Variants in METTL15 observed in about 807,000 individuals in gnomAD.
METTL15 encodes methyltransferase 15, mitochondrial 12S rRNA N4-cytidine.
METTL15 carries 34 observed loss-of-function variants against 38.3 expected under a neutral mutation model. That is an observed-to-expected ratio of 0.89 (90% CI 0.68 to 1.18). The LOEUF (loss-of-function observed/expected upper bound fraction) is 1.18, where lower values mean the gene tolerates loss of function less well. METTL15 is among the 50% of genes most tolerant of loss of function. The pLI is 0.00. For missense variants in METTL15, 438 were observed against 498.4 expected (o/e 0.88, Z 1.15); for synonymous variants, 162 against 170.9 (o/e 0.95, Z 0.41).
At chr11:28,267,939 T>G (rs1458634080) in intron 4 of METTL15, among the ~76,000 whole-genome samples, 3 of 152,154 alleles carry the variant, frequency 2.0e-5, no homozygotes, top group African/African-American at 4.8e-5. Flanking sequence ...GGCTCACGCC[T>G]GTAATCCCAG....
At chr11:28,524,867 G>A (rs989654001) in intron 6 of METTL15, among the ~76,000 whole-genome samples, 1 of 152,124 alleles carries the variant, frequency 6.6e-6, no homozygotes, top group Non-Finnish European at 1.5e-5. Flanking sequence ...GCGGACCCTC[G>A]CAGTGAGTGT....
chr11:28,219,305 G>T (rs1462444456), intron 4 of METTL15, among the ~76,000 whole-genome samples: 1 of 152,106 alleles, frequency 6.6e-6, no homozygotes, highest in Admixed American at 6.6e-5. Context: ...TGTGTGATGA[G>T]GAATTTATCC....
chr11:28,302,274 G>T (rs1444277604), intron 6 of METTL15, among the ~76,000 whole-genome samples: 2 of 152,002 alleles, frequency 1.3e-5, no homozygotes, highest in Non-Finnish European at 2.9e-5. Context: ...AATCAGAAAA[G>T]CTCTGCTTTT....
intron 6 of METTL15, among the ~76,000 whole-genome samples, chr11:28,459,213 T>G: frequency 6.6e-6 from 1 of 152,050 alleles, no homozygotes; most frequent in Non-Finnish European, 1.5e-5. Flanking sequence ...TTTTATAAAT[T>G]TCATGTATAT....
intron 6 of METTL15, among the ~76,000 whole-genome samples, chr11:28,502,200 G>A (rs868533928): frequency 5.3e-5 from 8 of 152,010 alleles, no homozygotes; most frequent in African/African-American, 9.7e-5. Flanking sequence ...TAAATGAGGC[G>A]AGAGAAATTT....
At chr11:28,490,227 G>A (rs988237123) in intron 6 of METTL15, among the ~76,000 whole-genome samples, 5 of 152,090 alleles carry the variant, frequency 3.3e-5, no homozygotes, top group Admixed American at 3.3e-4. Context: ...ATTCTCACCT[G>A]GCATTGCCAG....
At chr11:28,123,859 A>C in intron 3 of METTL15, 1 of 1,464,620 alleles carries the variant, frequency 6.8e-7, no homozygotes, top group Non-Finnish European at 9.2e-7. Flanking sequence ...TCTTTCTGGC[A>C]AGCAAAAGAA....
chr11:28,387,186 G>T (rs2133389573), intron 5 of METTL15, among the ~76,000 whole-genome samples: 1 of 151,838 alleles, frequency 6.6e-6, no homozygotes, highest in Middle Eastern at 3.4e-3. Context: ...GTTAGCAGAA[G>T]AAATGAGCTA....
chr11:28,334,516 GATAA>G (rs1358040620), downstream of METTL15, among the ~76,000 whole-genome samples: 1 of 151,982 alleles, frequency 6.6e-6, no homozygotes, highest in African/African-American at 2.4e-5. Context: ...TGAGGTGCTT[GATAA>G]ATATAAATTT....
chr11:28,463,353 A>G (rs1851231536), intron 6 of METTL15, among the ~76,000 whole-genome samples: 2 of 152,144 alleles, frequency 1.3e-5, no homozygotes, highest in Non-Finnish European at 2.9e-5. Flanking sequence ...AACCTATGCT[A>G]CAAAAACATT....
intron 4 of METTL15, among the ~76,000 whole-genome samples, chr11:28,250,041 A>C (rs1460026291): frequency 3.3e-5 from 5 of 152,174 alleles, no homozygotes; most frequent in Non-Finnish European, 4.4e-5. Flanking sequence ...ATGTTGCTGC[A>C]AAAGACACGA....
At chr11:28,316,397 T>G (rs111732801) in intron 6 of METTL15, among the ~76,000 whole-genome samples, 5,108 of 152,306 alleles carry the variant, frequency 0.034, 136 homozygotes, top group African/African-American at 0.075. Flanking sequence ...AATTGCTGTA[T>G]TTACCTATTG....
chr11:28,467,962 A>C (rs948834250), intron 6 of METTL15, among the ~76,000 whole-genome samples: 12 of 152,292 alleles, frequency 7.9e-5, no homozygotes, highest in Admixed American at 4.6e-4. Flanking sequence ...AAGATCTAGG[A>C]AATGGTTATT....
chr11:28,124,704 C>T (rs984361316), intron 3 of METTL15, among the ~76,000 whole-genome samples: 3 of 152,026 alleles, frequency 2.0e-5, no homozygotes, highest in African/African-American at 4.8e-5. Context: ...CCTTTCTGTA[C>T]GTTTTCCCTG....
rs1468135004 is a variant in METTL15, at chr11:28,332,977, CA to C, written c.*2137del. 1.5e-5 allele frequency: 2 copies of C among 134,278 alleles called. No individual in the cohort carries two copies. The highest frequency in any genetic ancestry group is 3.1e-5 in the Non-Finnish European group (2 of 64,330). 8.3% of individuals were successfully genotyped at this position (134,278 alleles called of 1,614,324 possible). A position where few individuals can be genotyped will look rare whatever the true frequency, so the allele number is the denominator to read the frequency against. ...AAGGAAGAAAGAGAAGATAGAGACA[CA>C]GGGGAGAATGCCACATGAAGCTGGA... On this transcript the variant is annotated 3_prime_UTR_variant, in exon 7 of 7. Transcript: ENST00000407364.
At chr11:28,438,648 C>CT (rs1474349430) in intron 6 of METTL15, among the ~76,000 whole-genome samples, 14 of 146,692 alleles carry the variant, frequency 9.5e-5, no homozygotes, top group South Asian at 6.7e-4. Flanking sequence ...ATAGATCACG[C>CT]TTTTTTTTTC....
At chr11:28,287,929 T>A (rs1229672806) in intron 4 of METTL15, among the ~76,000 whole-genome samples, 1 of 141,292 alleles carries the variant, frequency 7.1e-6, no homozygotes, top group Admixed American at 6.9e-5. Context: ...TTTTGCAGTC[T>A]CTTCCTGAGT....
chr11:28,127,792 A>G (rs1328178656), intron 3 of METTL15, among the ~76,000 whole-genome samples: 1 of 152,114 alleles, frequency 6.6e-6, no homozygotes, highest in Non-Finnish European at 1.5e-5. Flanking sequence ...CTGTGTAAAA[A>G]TTTTATGTAA....
chr11:28,120,557 T>A (rs1852184498), intron 3 of METTL15, among the ~76,000 whole-genome samples: 2 of 152,130 alleles, frequency 1.3e-5, no homozygotes, highest in Non-Finnish European at 2.9e-5. Context: ...AATCCTGATT[T>A]TAGTATTTGC....
Sources: gnomAD v4.1 joint callset for allele counts (sites outside exome capture counted in the v4.1 genomes callset) on GRCh38, gnomAD v4.1.1 for gene constraint, MANE v1.5 for transcripts, NCBI Gene and HGNC (gene_info 2026-07-23, HGNC 2026-07-21) for gene names.